The following SCHIP1 variants were observed in gnomAD, a reference collection of about 807,000 sequenced individuals.
SCHIP1 encodes the protein schwannomin-interacting protein 1.
SCHIP1 carries 8 observed loss-of-function variants against 29.7 expected under a neutral mutation model. That is an observed-to-expected ratio of 0.27 (90% CI 0.16 to 0.49). The LOEUF is 0.49. Ranked by LOEUF, SCHIP1 falls within the 20% of genes least tolerant of loss-of-function variation. The probability of loss-of-function intolerance (pLI) is 0.99; values close to 1 mark genes in which losing one functional copy is unlikely to be tolerated. For missense variants in SCHIP1, 193 were observed against 294.6 expected (o/e 0.66, Z 2.52); for synonymous variants, 76 against 94.9 (o/e 0.80, Z 1.16).
At chr3:159,516,193 G>A in the SCHIP1 span, among the ~76,000 whole-genome samples, 10 of 151,996 alleles carry the variant, frequency 6.6e-5, no homozygotes, top group African/African-American at 2.2e-4. Flanking sequence ...TAAGTGATAA[G>A]CTCCCAAATC....
chr3:159,398,787 C>T, the SCHIP1 span: 2 of 157,882 alleles, frequency 1.3e-5, no homozygotes, highest in Non-Finnish European at 2.7e-5. Flanking sequence ...GTAGATGTCC[C>T]ATTCATAAGA....
At chr3:159,896,838 T>A in exon 7 of SCHIP1, 1 of 1,528,858 alleles carries the variant, frequency 6.5e-7, no homozygotes. Context: ...GTAAAAATGC[T>A]GTTGCTAAAG....
At chr3:159,888,704 A>C (rs1717194691) in intron 4 of SCHIP1, 116 bp from the exon 6 acceptor site, 3 of 1,458,578 alleles carry the variant, frequency 2.1e-6, no homozygotes, top group Non-Finnish European at 2.7e-6. Context: ...GAAAGCTTTT[A>C]ATCACTGAAT....
the SCHIP1 span, among the ~76,000 whole-genome samples, chr3:159,786,964 G>A: frequency 6.6e-6 from 1 of 152,158 alleles, no homozygotes; most frequent in African/African-American, 2.4e-5. Context: ...GCGAGTCTGA[G>A]TAGGTGCGTG....
chr3:159,618,871 T>A, the SCHIP1 span, among the ~76,000 whole-genome samples: 110 of 152,356 alleles, frequency 7.2e-4, 1 homozygote, highest in Admixed American at 1.0e-3. Context: ...GTTGATTGCA[T>A]CCCGGAAGCC....
chr3:159,767,347 A>C, the SCHIP1 span, among the ~76,000 whole-genome samples: 1 of 152,366 alleles, frequency 6.6e-6, no homozygotes, highest in South Asian at 2.1e-4. Flanking sequence ...GTTGCAACAT[A>C]AAGTTTACTT....
At chr3:159,377,576 C>T in the SCHIP1 span, among the ~76,000 whole-genome samples, 1 of 152,168 alleles carries the variant, frequency 6.6e-6, no homozygotes, top group African/African-American at 2.4e-5. Context: ...ATTTGAGATG[C>T]TGAGTGACTC....
At chr3:159,671,097 A>G in the SCHIP1 span, among the ~76,000 whole-genome samples, 2 of 152,182 alleles carry the variant, frequency 1.3e-5, no homozygotes, top group African/African-American at 4.8e-5. Context: ...TGAACAGAGC[A>G]GGTGGTCCTG....
chr3:159,809,753 C>T, the SCHIP1 span, among the ~76,000 whole-genome samples: 6 of 151,834 alleles, frequency 4.0e-5, no homozygotes, highest in South Asian at 2.1e-4. Flanking sequence ...GTAATCCTAG[C>T]ACTTTGGGAA....
chr3:159,583,928 G>A, the SCHIP1 span, among the ~76,000 whole-genome samples: 1 of 152,082 alleles, frequency 6.6e-6, no homozygotes, highest in African/African-American at 2.4e-5. Flanking sequence ...ATTCTCTGAG[G>A]TATCCCAGAA....
chr3:159,303,271 T>C, the SCHIP1 span, among the ~76,000 whole-genome samples: 1 of 151,918 alleles, frequency 6.6e-6, no homozygotes. Context: ...GTATCATTTA[T>C]AAATGGGAAA....
chr3:159,383,968 T>G, the SCHIP1 span, among the ~76,000 whole-genome samples: 17,047 of 144,058 alleles, frequency 0.12, 1,287 homozygotes, highest in African/African-American at 0.18. Context: ...TCTATCCTGA[T>G]ACTTTGCTGA....
chr3:159,403,188 TG>T, the SCHIP1 span, among the ~76,000 whole-genome samples: 1 of 151,930 alleles, frequency 6.6e-6, no homozygotes, highest in African/African-American at 2.4e-5. Context: ...GAAGCAAAAA[TG>T]AGGAGGGTGG....
the SCHIP1 span, among the ~76,000 whole-genome samples, chr3:159,352,654 T>C: frequency 6.6e-6 from 1 of 152,194 alleles, no homozygotes; most frequent in South Asian, 2.1e-4. Flanking sequence ...CAAGGCTCTC[T>C]CATGCTACTC....
At chr3:159,793,523 G>A in the SCHIP1 span, among the ~76,000 whole-genome samples, 3 of 152,128 alleles carry the variant, frequency 2.0e-5, no homozygotes, top group African/African-American at 7.2e-5. Flanking sequence ...TGGTCTTACA[G>A]GGCTAAAATC....
At chr3:159,701,697 T>C in the SCHIP1 span, among the ~76,000 whole-genome samples, 1 of 152,178 alleles carries the variant, frequency 6.6e-6, no homozygotes, top group Non-Finnish European at 1.5e-5. Flanking sequence ...TCCTTGTAAT[T>C]TGTCTTATAA....
At chr3:159,362,994 G>T in the SCHIP1 span, among the ~76,000 whole-genome samples, 12 of 152,292 alleles carry the variant, frequency 7.9e-5, no homozygotes, top group Non-Finnish European at 1.3e-4. Context: ...GGTTCAAAGA[G>T]CCTCAGTAAC....
the SCHIP1 span, among the ~76,000 whole-genome samples, chr3:159,426,380 CT>C: frequency 6.6e-6 from 1 of 152,152 alleles, no homozygotes; most frequent in Non-Finnish European, 1.5e-5. Flanking sequence ...GACATACAAA[CT>C]ACCATCAGAG....
At chr3:159,737,820 G>C in the SCHIP1 span, among the ~76,000 whole-genome samples, 1 of 152,180 alleles carries the variant, frequency 6.6e-6, no homozygotes, top group Non-Finnish European at 1.5e-5. Flanking sequence ...AGGAGTCCCA[G>C]GTGGGATGGG....
Sources: allele counts gnomAD v4.1 joint callset (sites outside exome capture counted in the v4.1 genomes callset), GRCh38; gene constraint gnomAD v4.1.1; transcripts MANE v1.5; gene names NCBI Gene and HGNC (gene_info 2026-07-23, HGNC 2026-07-21).